The following FOXK2 variants were observed in gnomAD, a reference collection of about 807,000 sequenced individuals.
FOXK2 encodes the protein forkhead box protein K2.
In FOXK2, 24 loss-of-function variants were observed where a neutral mutation model predicts 53.3. The observed-to-expected ratio is 0.45, with a 90% confidence interval of 0.33 to 0.63. The LOEUF is 0.63. FOXK2 is among the 30% of genes least tolerant of loss of function. FOXK2 has a pLI of 0.03. For synonymous variants in FOXK2, 505 were observed against 407.1 expected, an observed-to-expected ratio of 1.24 and a Z score of -2.89; for missense variants, 952 against 910.5, an observed-to-expected ratio of 1.05 and a Z score of -0.59.
intron 8 of FOXK2, among the ~76,000 whole-genome samples, chr17:82,592,813 G>A (rs940919260): frequency 1.3e-5 from 2 of 152,208 alleles, no homozygotes; most frequent in African/African-American, 4.8e-5. Flanking sequence ...GTTCGCGCTG[G>A]CAGAGGGAGA....
intron 1 of FOXK2, among the ~76,000 whole-genome samples, chr17:82,542,429 G>T (rs2044583983): frequency 6.6e-6 from 1 of 152,072 alleles, no homozygotes; most frequent in Non-Finnish European, 1.5e-5. Flanking sequence ...GCCTCCCAAA[G>T]TGCTGGGATT....
intron 1 of FOXK2, among the ~76,000 whole-genome samples, chr17:82,556,667 GCCAGCAGCA>G (rs1035204416): frequency 4.6e-5 from 7 of 152,032 alleles, no homozygotes; most frequent in African/African-American, 1.7e-4. Flanking sequence ...TGAGCAGATG[GCCAGCAGCA>G]CCTTCCTGCC....
rs1448982271 is a variant in FOXK2, at chr17:82,603,366, TG to T, written c.*1871del. The T allele has an allele frequency of 6.6e-6, 1 of 152,234 alleles. No homozygotes were observed. Among genetic ancestry groups the T allele is most frequent in the Non-Finnish European group, 1.5e-5 (1 of 68,048 alleles). 9.4% of individuals were successfully genotyped at this position (152,234 alleles called of 1,614,324 possible). A position where few individuals can be genotyped will look rare whatever the true frequency, so the allele number is the denominator to read the frequency against. Reference sequence around the variant, plus strand: ...TCAGGATTCTGCTCTGTCCTGTGTGTGGGGTCAGCTCCCTCCACAGAGGGCT... The same window carrying T: ...TCAGGATTCTGCTCTGTCCTGTGTGTGGGTCAGCTCCCTCCACAGAGGGCT... On this transcript the variant is annotated 3_prime_UTR_variant, in exon 9 of 9. Coordinates refer to ENST00000335255, the MANE Select transcript of FOXK2 (RefSeq NM_004514.4).
At chr17:82,598,452 G>T (rs888001548) in intron 8 of FOXK2, among the ~76,000 whole-genome samples, 1 of 152,168 alleles carries the variant, frequency 6.6e-6, no homozygotes, top group Admixed American at 6.5e-5. Context: ...GAGGCTGTTG[G>T]GTTGGGTGAG....
intron 4 of FOXK2, among the ~76,000 whole-genome samples, chr17:82,573,785 C>A (rs2044950338): frequency 6.6e-6 from 1 of 152,208 alleles, no homozygotes; most frequent in African/African-American, 2.4e-5. Flanking sequence ...TTCTAAGAAG[C>A]TTTATTAGAC....
intron 4 of FOXK2, among the ~76,000 whole-genome samples, chr17:82,581,226 A>G (rs1321511826): frequency 6.6e-6 from 1 of 152,152 alleles, no homozygotes; most frequent in African/African-American, 2.4e-5. Flanking sequence ...GTTTCTATGA[A>G]CCCATGACGT....
intron 1 of FOXK2, among the ~76,000 whole-genome samples, chr17:82,522,852 T>C (rs987046654): frequency 6.6e-6 from 1 of 152,186 alleles, no homozygotes; most frequent in Non-Finnish European, 1.5e-5. Context: ...TGGAGTACAA[T>C]GGCGTGATCT....
intron 1 of FOXK2, among the ~76,000 whole-genome samples, chr17:82,552,534 TC>T (rs138294366): frequency 0.18 from 27,582 of 151,880 alleles, 2,831 homozygotes; most frequent in Non-Finnish European, 0.24. Flanking sequence ...TGTGTGGCCA[TC>T]CTCAGCCTTT....
chr17:82,579,336 G>T (rs957216813), intron 4 of FOXK2, among the ~76,000 whole-genome samples: 7 of 152,212 alleles, frequency 4.6e-5, no homozygotes, highest in Admixed American at 3.9e-4. Context: ...AAGATTGGGC[G>T]TCAGCTAAAG....
chr17:82,584,613 G>A (rs970238505), intron 6 of FOXK2, among the ~76,000 whole-genome samples: 1 of 135,710 alleles, frequency 7.4e-6, no homozygotes, highest in African/African-American at 2.8e-5. Context: ...TGGAATCTTG[G>A]CTCGTTGCAA....
chr17:82,523,560 C>T (rs1446303649), intron 1 of FOXK2, among the ~76,000 whole-genome samples: 1 of 151,214 alleles, frequency 6.6e-6, no homozygotes, highest in African/African-American at 2.4e-5. Flanking sequence ...GCAACCTCCG[C>T]TTCCTGGGCT....
chr17:82,570,237 A>G (rs1039981006), intron 3 of FOXK2, among the ~76,000 whole-genome samples: 1 of 151,784 alleles, frequency 6.6e-6, no homozygotes, highest in African/African-American at 2.4e-5. Flanking sequence ...AAAAAGAGAG[A>G]CAAATTTGAC....
At chr17:82,546,556 G>GT (rs1003407228) in intron 1 of FOXK2, among the ~76,000 whole-genome samples, 1 of 152,162 alleles carries the variant, frequency 6.6e-6, no homozygotes, top group African/African-American at 2.4e-5. Flanking sequence ...CGAGTGGAGG[G>GT]AGAGGTAATC....
chr17:82,587,634 C>T, intron 8 of FOXK2: 1 of 348,054 alleles, frequency 2.9e-6, no homozygotes. Context: ...CGGTGCTATG[C>T]TGCTGAGGGT....
chr17:82,572,412 G>A (rs538161117), intron 4 of FOXK2, among the ~76,000 whole-genome samples: 12 of 152,216 alleles, frequency 7.9e-5, no homozygotes, highest in African/African-American at 1.7e-4. Context: ...CCACCTGGTC[G>A]TGGAACCCCG....
chr17:82,596,579 A>G (rs544529891), intron 8 of FOXK2, among the ~76,000 whole-genome samples: 1 of 16,948 alleles, frequency 5.9e-5, no homozygotes, highest in East Asian at 1.7e-3. Context: ...CTCCCTGCCC[A>G]GCTCCTGCAG....
chr17:82,546,055 C>G (rs926803841), intron 1 of FOXK2, among the ~76,000 whole-genome samples: 2 of 151,080 alleles, frequency 1.3e-5, no homozygotes, highest in Non-Finnish European at 2.9e-5. Context: ...TTGCATTTCC[C>G]TAATGACTAA....
intron 1 of FOXK2, among the ~76,000 whole-genome samples, chr17:82,522,885 C>T (rs2044378649): frequency 6.6e-6 from 1 of 152,160 alleles, no homozygotes; most frequent in African/African-American, 2.4e-5. Flanking sequence ...ACCTCCGCCT[C>T]CCTGGTTCAA....
At position 82,564,945 on chromosome 17, in the gene FOXK2, G is replaced by A. The variant is rs137885357; in HGVS notation, c.614+1397G>A. ...GGGTTTCTCCATGTTGGTCAGGGTG[G>A]TCTTGAAATCCTGACCTCAGGTGAT... On this transcript the variant is annotated intron_variant, in intron 2 of 8. Transcript: ENST00000335255. 3.5e-3 allele frequency among the ~76,000 whole-genome samples: 536 copies of A among 151,926 alleles called. 4 individuals are homozygous for A. The highest frequency in any genetic ancestry group is 0.012 in the African/African-American group (515 of 41,398).
Sources: allele counts gnomAD v4.1 joint callset (sites outside exome capture counted in the v4.1 genomes callset), GRCh38; gene constraint gnomAD v4.1.1; transcripts MANE v1.5; gene names NCBI Gene and HGNC (gene_info 2026-07-23, HGNC 2026-07-21).